Variants in SLC4A4 observed in about 807,000 individuals in gnomAD.
The protein encoded by SLC4A4 is electrogenic sodium bicarbonate cotransporter 1.
SLC4A4 carries 27 observed loss-of-function variants against 111.5 expected under a neutral mutation model. The ratio of observed to expected loss-of-function variants is 0.24; its 90% CI spans 0.18 to 0.33. SLC4A4 has a LOEUF of 0.33. Ranked by LOEUF, SLC4A4 falls within the 10% of genes least tolerant of loss-of-function variation. The pLI, the probability that SLC4A4 is intolerant of heterozygous loss-of-function variation, is 1.00. For missense variants in SLC4A4, 909 were observed against 1,315.5 expected (o/e 0.69, Z 4.78); for synonymous variants, 443 against 463.4 (o/e 0.96, Z 0.57).
intron 2 of SLC4A4, among the ~76,000 whole-genome samples, chr4:71,242,254 A>C (rs757844047): frequency 1.8e-4 from 27 of 152,222 alleles, no homozygotes; most frequent in Admixed American, 9.2e-4. Flanking sequence ...AAATTCTGAA[A>C]TAGTACACTT....
At chr4:71,300,692 G>T in intron 3 of SLC4A4, 1 of 393,548 alleles carries the variant, frequency 2.5e-6, no homozygotes, top group Non-Finnish European at 5.1e-6. Flanking sequence ...GGAGTGATAT[G>T]TAGGGGCATG....
intron 4 of SLC4A4, among the ~76,000 whole-genome samples, chr4:71,341,646 G>A (rs74580237): frequency 9.7e-4 from 147 of 152,108 alleles, no homozygotes; most frequent in African/African-American, 3.3e-3. Flanking sequence ...TGGATTTTTT[G>A]TAGTTTAGTT....
rs1173057019 is a variant in SLC4A4 at position 71,374,413 on chromosome 4, C to T, written c.730+17226C>T. 3.3e-5 allele frequency among the ~76,000 whole-genome samples: 5 copies of T among 152,152 alleles called. No homozygotes were observed. The East Asian group carries it at 9.6e-4, about 29-fold the overall frequency. On this transcript the variant is annotated intron_variant, in intron 6 of 25. Coordinates refer to ENST00000264485, the MANE Select transcript of SLC4A4 (RefSeq NM_001098484.3). The stretch of plus-strand genomic sequence containing the variant: ...GATTGTAAGAAATAAAATCTTTCAG[C>T]AACCTGATGTCTATGTTCAGACTTT...
intron 7 of SLC4A4, among the ~76,000 whole-genome samples, chr4:71,425,957 G>A (rs1723084877): frequency 6.6e-6 from 1 of 152,070 alleles, no homozygotes. Context: ...GAAAGGGAAA[G>A]GGAATCTCTA....
intron 1 of SLC4A4, among the ~76,000 whole-genome samples, chr4:71,091,409 C>T (rs557436783): frequency 1.9e-4 from 29 of 152,078 alleles, no homozygotes; most frequent in Non-Finnish European, 3.7e-4. Flanking sequence ...CCCGCCACCA[C>T]GCTTGGCTAA....
At chr4:71,559,559 A>G (rs887566149) in intron 22 of SLC4A4, among the ~76,000 whole-genome samples, 1 of 151,910 alleles carries the variant, frequency 6.6e-6, no homozygotes, top group Non-Finnish European at 1.5e-5. Context: ...GGGACATGTT[A>G]AATATTCAGT....
chr4:71,138,816 C>G (rs1190899447), intron 2 of SLC4A4, among the ~76,000 whole-genome samples: 1 of 151,984 alleles, frequency 6.6e-6, no homozygotes, highest in African/African-American at 2.4e-5. Context: ...GAGGGCGGAT[C>G]ACGAGGTCAG....
At chr4:71,234,875 A>T (rs1217081662) in intron 1 of SLC4A4, among the ~76,000 whole-genome samples, 3 of 152,190 alleles carry the variant, frequency 2.0e-5, no homozygotes, top group African/African-American at 7.2e-5. Flanking sequence ...TACAAGGCCG[A>T]TATTATTGAA....
chr4:71,184,747 T>C (rs1241102335), upstream of SLC4A4, among the ~76,000 whole-genome samples: 2 of 152,190 alleles, frequency 1.3e-5, no homozygotes, highest in African/African-American at 2.4e-5. Flanking sequence ...TTCATTGTTA[T>C]CACCCGGAAA....
intron 15 of SLC4A4, among the ~76,000 whole-genome samples, chr4:71,494,969 T>A (rs1467195871): frequency 1.3e-5 from 2 of 152,114 alleles, no homozygotes; most frequent in Admixed American, 6.6e-5. Context: ...TTAGCTAGAA[T>A]TTAAGTTTTA....
intron 5 of SLC4A4, among the ~76,000 whole-genome samples, chr4:71,351,615 G>GA (rs1729842853): frequency 6.6e-6 from 1 of 152,330 alleles, no homozygotes; most frequent in South Asian, 2.1e-4. Flanking sequence ...AGCACTTTTG[G>GA]AGGCCGAGGT....
At chr4:71,533,523 T>C (rs1560594654) in intron 17 of SLC4A4, among the ~76,000 whole-genome samples, 1 of 152,090 alleles carries the variant, frequency 6.6e-6, no homozygotes, top group Non-Finnish European at 1.5e-5. Flanking sequence ...ACCCTTTTTT[T>C]TCTGTAGTAG....
At chr4:71,386,055 A>T (rs1405581243) in intron 6 of SLC4A4, among the ~76,000 whole-genome samples, 7 of 150,710 alleles carry the variant, frequency 4.6e-5, no homozygotes, top group African/African-American at 1.7e-4. Context: ...TATTTTTTTC[A>T]TGCTCAATTG....
At chr4:71,520,290 T>C (rs186657373) in intron 16 of SLC4A4, among the ~76,000 whole-genome samples, 19 of 152,296 alleles carry the variant, frequency 1.2e-4, no homozygotes, top group Admixed American at 5.9e-4. Flanking sequence ...TGTTCTCTCA[T>C]TTTTAAACAT....
chr4:71,253,432 A>G (rs1721218205), intron 2 of SLC4A4, among the ~76,000 whole-genome samples: 1 of 152,210 alleles, frequency 6.6e-6, no homozygotes, highest in African/African-American at 2.4e-5. Context: ...TAGCCGCCAT[A>G]TTTAATAAGG....
chr4:71,527,767 T>TC (rs1482608627), intron 16 of SLC4A4, among the ~76,000 whole-genome samples: 1 of 151,944 alleles, frequency 6.6e-6, no homozygotes, highest in Admixed American at 6.6e-5. Flanking sequence ...ATATAAAAAA[T>TC]CCAAGTGGAG....
At chr4:71,105,575 T>A (rs1742890968) in intron 2 of SLC4A4, among the ~76,000 whole-genome samples, 1 of 147,282 alleles carries the variant, frequency 6.8e-6, no homozygotes, top group African/African-American at 2.6e-5. Context: ...AAAACAGAGA[T>A]ATAGATCAAT....
chr4:71,510,474 A>T (rs936075812), intron 16 of SLC4A4, among the ~76,000 whole-genome samples: 2 of 151,886 alleles, frequency 1.3e-5, no homozygotes, highest in Admixed American at 1.3e-4. Flanking sequence ...TTATGAATTG[A>T]TCCCTTTATC....
intron 12 of SLC4A4, among the ~76,000 whole-genome samples, chr4:71,456,876 C>T (rs1228501568): frequency 6.6e-6 from 1 of 152,162 alleles, no homozygotes. Context: ...AGCAGAAAAG[C>T]ATTGGCAGAG....
Sources: allele counts gnomAD v4.1 joint callset (sites outside exome capture counted in the v4.1 genomes callset), GRCh38; gene constraint gnomAD v4.1.1; transcripts MANE v1.5; gene names NCBI Gene and HGNC (gene_info 2026-07-23, HGNC 2026-07-21).